The following CEP112 variants were observed in gnomAD, a reference collection of about 807,000 sequenced individuals.
CEP112 encodes the protein centrosomal protein of 112 kDa.
CEP112 carries 127 observed loss-of-function variants against 153.0 expected under a neutral mutation model. The ratio of observed to expected loss-of-function variants is 0.83; its 90% CI spans 0.72 to 0.96. The LOEUF is 0.96. CEP112 is among the 40% of genes least tolerant of loss of function. CEP112 has a pLI of 0.00. For synonymous variants in CEP112, 358 were observed against 374.4 expected (o/e 0.96, Z 0.51); for missense variants, 1,089 against 1,101.2 (o/e 0.99, Z 0.16).
chr17:66,035,008 A>ATATATATATATTTT, intron 12 of CEP112, among the ~76,000 whole-genome samples: 1 of 72,370 alleles, frequency 1.4e-5, no homozygotes, highest in South Asian at 8.2e-4. Flanking sequence ...ATATATATAT[A>ATATATATATATTTT]TTTTTTTTTT....
At chr17:65,725,523 G>A (rs1030986411) in intron 23 of CEP112, among the ~76,000 whole-genome samples, 2 of 152,086 alleles carry the variant, frequency 1.3e-5, no homozygotes, top group Non-Finnish European at 1.5e-5. Context: ...CACCACGTTG[G>A]CCAGGCTGGT....
intron 8 of CEP112, among the ~76,000 whole-genome samples, chr17:66,094,873 A>T (rs1229969111): frequency 1.3e-5 from 2 of 152,214 alleles, no homozygotes; most frequent in Non-Finnish European, 2.9e-5. Flanking sequence ...GAAGACACGC[A>T]AATAGCCACC....
chr17:65,923,345 A>G (rs1441875771), intron 19 of CEP112, among the ~76,000 whole-genome samples: 1 of 151,974 alleles, frequency 6.6e-6, no homozygotes, highest in Non-Finnish European at 1.5e-5. Flanking sequence ...TTTATTTTCT[A>G]TTTCATTAAT....
chr17:66,062,075 T>C (rs2066941867), intron 11 of CEP112, among the ~76,000 whole-genome samples: 1 of 152,132 alleles, frequency 6.6e-6, no homozygotes, highest in African/African-American at 2.4e-5. Flanking sequence ...GGTGGCTTGC[T>C]TCCCCTTCAC....
chr17:65,756,940 C>A (rs2052321558), intron 21 of CEP112, among the ~76,000 whole-genome samples: 2 of 152,030 alleles, frequency 1.3e-5, no homozygotes, highest in Admixed American at 1.3e-4. Context: ...CCCTAAACCC[C>A]AATTTGACTG....
intron 24 of CEP112, among the ~76,000 whole-genome samples, chr17:65,669,262 C>A (rs2046848269): frequency 6.6e-6 from 1 of 152,120 alleles, no homozygotes; most frequent in Non-Finnish European, 1.5e-5. Context: ...ACATCGAGCC[C>A]CAAATTCAAG....
At chr17:66,128,559 T>C (rs1032457046) in intron 6 of CEP112, among the ~76,000 whole-genome samples, 1 of 152,060 alleles carries the variant, frequency 6.6e-6, no homozygotes, top group African/African-American at 2.4e-5. Context: ...TTGAAGAAAA[T>C]GGACAACTGA....
At chr17:65,870,497 A>C (rs771766350) in intron 20 of CEP112, among the ~76,000 whole-genome samples, 3 of 152,224 alleles carry the variant, frequency 2.0e-5, no homozygotes, top group Non-Finnish European at 4.4e-5. Context: ...AATGATTTTA[A>C]AGGTAATAGA....
rs1312201641 is a variant in CEP112 at position 66,025,948 on chromosome 17, CAT to C, written c.1656+1551_1656+1552del. ...ACACACACACACACACACACACACA[CAT>C]ATATAGATATATATAGACCACACAC... On this transcript the variant is annotated intron_variant, in intron 16 of 26. Coordinates refer to ENST00000535342, the MANE Select transcript of CEP112 (RefSeq NM_001199165.4). Among the ~76,000 whole-genome samples the C allele has an allele frequency of 1.4e-3, 168 of 118,278 alleles. 1 individual carries two copies. Among genetic ancestry groups the C allele is most frequent in the African/African-American group, 5.2e-3 (153 of 29,332 alleles). 77.6% of individuals were successfully genotyped at this position (118,278 alleles called of 152,430 possible).
At chr17:65,970,457 CATGCACACATGCATGTATATTACA>C (rs2062674574) in intron 17 of CEP112, among the ~76,000 whole-genome samples, 2 of 92,764 alleles carry the variant, frequency 2.2e-5, no homozygotes, top group Non-Finnish European at 4.4e-5. Context: ...ATATTACATG[CATGCACACATGCATGTATATTACA>C]TGCATGCACA....
chr17:66,150,420 G>A (rs2071156079), intron 4 of CEP112, among the ~76,000 whole-genome samples: 3 of 151,762 alleles, frequency 2.0e-5, no homozygotes, highest in South Asian at 4.2e-4. Context: ...TAGTAGAGAC[G>A]GGGTTTCACC....
At chr17:66,006,813 A>C (rs1394164511) in intron 16 of CEP112, among the ~76,000 whole-genome samples, 1 of 152,154 alleles carries the variant, frequency 6.6e-6, no homozygotes, top group Non-Finnish European at 1.5e-5. Context: ...AGCTCAAGTT[A>C]CTTGGTGGGG....
chr17:65,985,582 CTA>C (rs2063378897), intron 17 of CEP112, among the ~76,000 whole-genome samples: 1 of 152,034 alleles, frequency 6.6e-6, no homozygotes, highest in South Asian at 2.1e-4. Context: ...AAGAAGTTGT[CTA>C]TGGTCTACTA....
At chr17:66,174,387 A>T (rs865878936) in intron 4 of CEP112, among the ~76,000 whole-genome samples, 1 of 152,246 alleles carries the variant, frequency 6.6e-6, no homozygotes, top group Non-Finnish European at 1.5e-5. Flanking sequence ...CTGTTAACAG[A>T]AACAGATTTC....
rs144031766 is a variant in CEP112 at position 66,037,624 on chromosome 17, G to A, written c.1219-7601C>T. ...TTTTCTTATAATACTACAAGATTAT[G>A]TTTGTCTTTCCGTAACAACAATTCT... On this transcript the variant is annotated intron_variant, in intron 12 of 26. Coordinates refer to ENST00000535342, the MANE Select transcript of CEP112 (RefSeq NM_001199165.4). Among the ~76,000 whole-genome samples the A allele has an allele frequency of 5.3e-5, 8 of 152,042 alleles. No individual in the cohort carries two copies. The East Asian group carries it at 1.5e-3, about 29-fold the overall frequency.
At chr17:65,792,172 G>A (rs2054626000) in intron 21 of CEP112, among the ~76,000 whole-genome samples, 1 of 152,086 alleles carries the variant, frequency 6.6e-6, no homozygotes, top group African/African-American at 2.4e-5. Flanking sequence ...CAAACTTATT[G>A]CTCCATGTAA....
At chr17:66,181,483 C>T (rs1273759654) in intron 2 of CEP112, among the ~76,000 whole-genome samples, 1 of 152,000 alleles carries the variant, frequency 6.6e-6, no homozygotes, top group East Asian at 1.9e-4. Flanking sequence ...GTAGCTGGGA[C>T]TGCAGGTGCC....
At chr17:65,848,865 C>T (rs571328748) in intron 21 of CEP112, among the ~76,000 whole-genome samples, 14 of 144,274 alleles carry the variant, frequency 9.7e-5, no homozygotes, top group Non-Finnish European at 1.9e-4. Flanking sequence ...TTGCTACTGC[C>T]GACACTCTCA....
chr17:66,071,586 C>T (rs368479690), intron 8 of CEP112, among the ~76,000 whole-genome samples: 8 of 152,162 alleles, frequency 5.3e-5, no homozygotes, highest in African/African-American at 1.7e-4. Context: ...CACCTCTCAC[C>T]GGCCCTACCT....
Sources: allele counts gnomAD v4.1 joint callset (sites outside exome capture counted in the v4.1 genomes callset), GRCh38; gene constraint gnomAD v4.1.1; transcripts MANE v1.5; gene names NCBI Gene and HGNC (gene_info 2026-07-23, HGNC 2026-07-21).